MEGF9: variants seen among roughly 807,000 people sequenced by gnomAD.
MEGF9 encodes multiple EGF like domains 9.
MEGF9 carries 6 observed loss-of-function variants against 46.8 expected under a neutral mutation model. The ratio of observed to expected loss-of-function variants is 0.13; its 90% CI spans 0.07 to 0.25. The LOEUF (loss-of-function observed/expected upper bound fraction) is 0.25, where lower values mean the gene tolerates loss of function less well. Ranked by LOEUF, MEGF9 falls within the 10% of genes least tolerant of loss-of-function variation. MEGF9 has a pLI of 1.00. For synonymous variants in MEGF9, 302 were observed against 330.7 expected (o/e 0.91, Z 0.94); for missense variants, 683 against 792.4 (o/e 0.86, Z 1.66).
chr9:120,635,879 G>A (rs946747783), intron 2 of MEGF9, among the ~76,000 whole-genome samples: 2 of 152,062 alleles, frequency 1.3e-5, no homozygotes, highest in Non-Finnish European at 2.9e-5. Flanking sequence ...CTATTTCCAT[G>A]CTCTTTCATA....
chr9:120,642,113 C>T (rs567685766), intron 2 of MEGF9, among the ~76,000 whole-genome samples: 1 of 152,342 alleles, frequency 6.6e-6, no homozygotes, highest in East Asian at 1.9e-4. Flanking sequence ...GACACCCAAA[C>T]CACAGACCTA....
rs114471080 is a variant in MEGF9 at position 120,654,773 on chromosome 9, G to A, written c.803+4601C>T. On this transcript the variant is annotated intron_variant, in intron 2 of 5. Coordinates refer to ENST00000373930, the MANE Select transcript of MEGF9 (RefSeq NM_001080497.3). ...ACAGCTCCATGCATGTTATTCCCCC[G>A]AAGACCTTCTAGTGGGATGAAATGT... is the stretch of plus-strand genomic sequence containing the variant. Among the ~76,000 whole-genome samples, 952 of 152,172 alleles carry A rather than the reference G, an allele frequency of 6.3e-3. 12 individuals are homozygous for A. The highest frequency in any genetic ancestry group is 0.022 in the African/African-American group (908 of 41,534).
intron 1 of MEGF9, chr9:120,691,307 G>A (rs2043846974): frequency 3.2e-6 from 1 of 312,654 alleles, no homozygotes; most frequent in Middle Eastern, 7.0e-4. Context: ...ATAGTTGGTT[G>A]TGCAGGTGGG....
intron 1 of MEGF9, among the ~76,000 whole-genome samples, chr9:120,671,147 G>A (rs900110593): frequency 1.3e-5 from 2 of 152,032 alleles, no homozygotes; most frequent in African/African-American, 4.8e-5. Flanking sequence ...CTCTTTCTTT[G>A]GTCTCCACGT....
chr9:120,686,611 T>TA (rs934087559), intron 1 of MEGF9, among the ~76,000 whole-genome samples: 12 of 152,210 alleles, frequency 7.9e-5, no homozygotes, highest in Admixed American at 7.9e-4. Context: ...TAGTGAATCT[T>TA]AAAGTGCTGG....
chr9:120,627,704 C>T (rs994829998), intron 2 of MEGF9, among the ~76,000 whole-genome samples: 4 of 152,218 alleles, frequency 2.6e-5, no homozygotes, highest in Non-Finnish European at 5.9e-5. Flanking sequence ...CTCAAGTGAT[C>T]CACCCGCCTG....
chr9:120,647,027 G>C (rs1263684821), intron 2 of MEGF9, among the ~76,000 whole-genome samples: 1 of 151,954 alleles, frequency 6.6e-6, no homozygotes, highest in East Asian at 1.9e-4. Flanking sequence ...TTAATAAAAT[G>C]AAATAAGTAG....
intron 5 of MEGF9, among the ~76,000 whole-genome samples, chr9:120,606,143 C>T (rs2043419583): frequency 6.7e-6 from 1 of 150,134 alleles, no homozygotes. Flanking sequence ...TGCACTCCAG[C>T]CTCGGTGACA....
At chr9:120,683,082 G>A (rs1449159535) in intron 1 of MEGF9, among the ~76,000 whole-genome samples, 4 of 152,038 alleles carry the variant, frequency 2.6e-5, no homozygotes, top group Non-Finnish European at 4.4e-5. Context: ...GTATATTAGG[G>A]CCCTGAACTG....
At chr9:120,648,109 T>C (rs183515704) in intron 2 of MEGF9, among the ~76,000 whole-genome samples, 5 of 152,230 alleles carry the variant, frequency 3.3e-5, no homozygotes, top group African/African-American at 9.6e-5. Flanking sequence ...TCTGGTTTCC[T>C]TGCCTGAGCC....
At chr9:120,690,360 G>A (rs551635050) in intron 1 of MEGF9, among the ~76,000 whole-genome samples, 1 of 152,244 alleles carries the variant, frequency 6.6e-6, no homozygotes, top group Admixed American at 6.5e-5. Context: ...TCAATGCCCT[G>A]GAGTCAGTGT....
At position 120,714,235 on chromosome 9, in the gene MEGF9, T is replaced by C; in HGVS notation, c.124A>G (p.Thr42Ala). 1 of 1,237,418 alleles carries C rather than the reference T, an allele frequency of 8.1e-7. No individual in the cohort carries two copies. The highest frequency in any genetic ancestry group is 3.8e-5 in the South Asian group (1 of 26,600). 76.7% of individuals were successfully genotyped at this position (1,237,418 alleles called of 1,614,324 possible). A position where few individuals can be genotyped will look rare whatever the true frequency, so the allele number is the denominator to read the frequency against. The change falls in exon 1 of 6, where the codon ACC (threonine) becomes GCC (alanine). Residue 42 changes from threonine (T) to alanine (A), a missense_variant. By Grantham distance (58) the Thr-to-Ala change is moderately conservative. Coordinates refer to ENST00000373930, the MANE Select transcript of MEGF9 (RefSeq NM_001080497.3). The stretch of plus-strand genomic sequence containing the variant: ...TGCCCCGCGGCCCCGCCGCCACCGG[T>C]GACATTCCCCGCCGAGGCGGCTGAG... ...VASAASAGNV[T>A]GGGGAAGQVD...
chr9:120,630,847 T>C (rs1212640771), intron 2 of MEGF9, among the ~76,000 whole-genome samples: 1 of 152,230 alleles, frequency 6.6e-6, no homozygotes, highest in Non-Finnish European at 1.5e-5. Context: ...ATTTGTTTAC[T>C]GGTTGTTGAG....
chr9:120,683,738 C>T (rs1055806735), intron 1 of MEGF9, among the ~76,000 whole-genome samples: 14 of 151,728 alleles, frequency 9.2e-5, no homozygotes, highest in African/African-American at 3.4e-4. Flanking sequence ...ACTTAAAATA[C>T]AAAAAATTAG....
rs578253868 is a variant in MEGF9 at position 120,611,883 on chromosome 9, G to A, written c.1087+513C>T. ...AGGAAGAAAGAGAGAGAGAGAGAGA[G>A]AGAAAGAAAGAAAGAAAGAAAGGAA... is the stretch of plus-strand genomic sequence containing the variant. On this transcript the variant is annotated intron_variant, in intron 4 of 5. Transcript: ENST00000373930. Among the ~76,000 whole-genome samples, 1,242 of 150,088 alleles carry A rather than the reference G, an allele frequency of 8.3e-3. 4 individuals are homozygous for A. Among genetic ancestry groups the A allele is most frequent in the African/African-American group, 0.014 (551 of 40,558 alleles).
At chr9:120,689,408 C>T (rs149198738) in intron 1 of MEGF9, among the ~76,000 whole-genome samples, 1 of 152,206 alleles carries the variant, frequency 6.6e-6, no homozygotes, top group Non-Finnish European at 1.5e-5. Flanking sequence ...CTAAGAGCAA[C>T]TGGATAGCCA....
At chr9:120,612,258 T>C in intron 4 of MEGF9, 138 bp downstream of exon 4, 2 of 694,254 alleles carry the variant, frequency 2.9e-6, no homozygotes, top group Non-Finnish European at 4.4e-6. Flanking sequence ...TATAAATTCC[T>C]GGAAAGGAAA....
intron 1 of MEGF9, among the ~76,000 whole-genome samples, chr9:120,701,199 T>C (rs942907060): frequency 1.3e-5 from 2 of 151,966 alleles, no homozygotes; most frequent in Non-Finnish European, 1.5e-5. Context: ...TTAACAATGC[T>C]ACTACTTCTC....
chr9:120,635,947 T>C (rs2043572344), intron 2 of MEGF9, among the ~76,000 whole-genome samples: 2 of 152,156 alleles, frequency 1.3e-5, no homozygotes, highest in South Asian at 4.1e-4. Context: ...TCTCTTCCTT[T>C]TTTTTGAGAT....
Sources: gnomAD v4.1 joint callset for allele counts (sites outside exome capture counted in the v4.1 genomes callset) on GRCh38, gnomAD v4.1.1 for gene constraint, MANE v1.5 for transcripts, NCBI Gene and HGNC (gene_info 2026-07-23, HGNC 2026-07-21) for gene names.